IFNLR1: variants seen among roughly 807,000 people sequenced by gnomAD.
The protein encoded by IFNLR1 is CRF2-12.
A neutral mutation model predicts 52.5 loss-of-function variants in IFNLR1; 28 were observed. The observed-to-expected ratio is 0.53, with a 90% CI of 0.40 to 0.73. The LOEUF (loss-of-function observed/expected upper bound fraction) is 0.73. Ranked by LOEUF, IFNLR1 falls within the 30% of genes least tolerant of loss-of-function variation. The probability of loss-of-function intolerance (pLI) is 0.00; values close to 1 mark genes in which losing one functional copy is unlikely to be tolerated. For synonymous variants in IFNLR1, 276 were observed against 274.9 expected (o/e 1.00, Z -0.04); for missense variants, 623 against 659.1 (o/e 0.95, Z 0.60).
chr1:24,172,924 CTCT>C (rs1310256523), intron 2 of IFNLR1, among the ~76,000 whole-genome samples: 1 of 152,082 alleles, frequency 6.6e-6, no homozygotes, highest in Non-Finnish European at 1.5e-5. Context: ...TGGTGTCTTC[CTCT>C]TCTTATAAAG....
intron 1 of IFNLR1, among the ~76,000 whole-genome samples, chr1:24,183,320 G>A (rs766796727): frequency 9.9e-5 from 15 of 151,826 alleles, no homozygotes; most frequent in African/African-American, 3.4e-4. Flanking sequence ...AATACAGGTC[G>A]GGCATGGCAG....
intron 1 of IFNLR1, among the ~76,000 whole-genome samples, chr1:24,183,969 A>G (rs1280175539): frequency 2.0e-5 from 3 of 152,142 alleles, no homozygotes; most frequent in African/African-American, 7.2e-5. Flanking sequence ...ACCTCAGGTG[A>G]TCCGCCCACC....
Position 24,159,114 on chromosome 1 carries a change from C to T in IFNLR1, c.739G>A (p.Val247Met). 1.2e-6 allele frequency: 2 copies of T among 1,614,198 alleles called. No individual in the cohort carries two copies. Among genetic ancestry groups the T allele is most frequent in the South Asian group, 2.2e-5 (2 of 91,084 alleles). ...ILLLVIAAGG[V>M]IWKTLMGNPW... ...TTCCCCATGAGGGTCTTCCAGATCACACCCCCTGCGGCAATTACTAACAGC... is the reference window on the plus strand; with the variant it reads ...TTCCCCATGAGGGTCTTCCAGATCATACCCCCTGCGGCAATTACTAACAGC... Residue 247 changes from valine to methionine, a missense_variant, in exon 6 of 7, where the codon GTG (valine) becomes ATG (methionine). By Grantham distance (21) the Val-to-Met change is conservative (BLOSUM62 1). Coordinates refer to ENST00000327535, the MANE Select transcript of IFNLR1 (RefSeq NM_170743.4).
At position 24,159,383 on chromosome 1, in the gene IFNLR1, C is replaced by T. The variant is rs1644416033; in HGVS notation, c.670+91G>A. On this transcript the variant is annotated intron_variant, in intron 5 of 6. Transcript: ENST00000327535. The stretch of plus-strand genomic sequence containing the variant: ...GAGTGTGGTTTTAATCCAGGCGAGT[C>T]TATCTCTAGGCTCATGTTCTTAACC... 3.0e-6 allele frequency: 4 copies of T among 1,353,180 alleles called. No individual in the cohort carries two copies. In the Admixed American group the frequency reaches 7.3e-5, roughly 25 times the overall value. 83.8% of individuals were successfully genotyped at this position (1,353,180 alleles called of 1,614,324 possible).
intron 3 of IFNLR1, among the ~76,000 whole-genome samples, chr1:24,166,608 A>T (rs186153348): frequency 2.1e-4 from 32 of 152,244 alleles, no homozygotes; most frequent in Non-Finnish European, 3.5e-4. Context: ...ATTCAATGGA[A>T]CAATCATGGC....
At chr1:24,184,417 C>T (rs762432500) in intron 1 of IFNLR1, among the ~76,000 whole-genome samples, 4 of 152,148 alleles carry the variant, frequency 2.6e-5, no homozygotes, top group Non-Finnish European at 5.9e-5. Context: ...TTTCCTTGGC[C>T]TCAGAATAAA....
rs758373936 is a variant in IFNLR1 at position 24,157,562 on chromosome 1, G to A, written c.1131C>T (p.Ser377=). The A allele has an allele frequency of 2.0e-5, 33 of 1,611,902 alleles. No homozygotes were observed. Among genetic ancestry groups the A allele is most frequent in the South Asian group, 6.6e-5 (6 of 90,696 alleles). ...AAGAATCCCAAGCAGAGGAGCCTTCGCTTGGGACCAGAGGAGCCCTGGGCC... is the reference window on the plus strand; with the variant it reads ...AAGAATCCCAAGCAGAGGAGCCTTCACTTGGGACCAGAGGAGCCCTGGGCC... The part of the protein sequence containing the change: ...SGRPRAPLVP[S]EGSSAWDSSD... Residue 377 remains serine (S), a synonymous_variant, in exon 7 of 7, where the codon AGC becomes AGT. Coordinates refer to ENST00000327535, the MANE Select transcript of IFNLR1 (RefSeq NM_170743.4). This position sits in a 1 kb window ranked among gnomAD's most constrained non-coding sequence, Gnocchi z 5.1.
chr1:24,185,907 G>A (rs534405906), intron 1 of IFNLR1, among the ~76,000 whole-genome samples: 1 of 152,354 alleles, frequency 6.6e-6, no homozygotes, highest in Admixed American at 6.5e-5. Context: ...CTGCTTCCAT[G>A]GAAAGGGCGC....
intron 1 of IFNLR1, among the ~76,000 whole-genome samples, chr1:24,184,119 G>A (rs992454193): frequency 6.6e-6 from 1 of 151,970 alleles, no homozygotes; most frequent in African/African-American, 2.4e-5. Flanking sequence ...ATCCACACAG[G>A]ACTTTTTGCC....
intron 2 of IFNLR1, among the ~76,000 whole-genome samples, chr1:24,171,622 GA>G (rs1352762320): frequency 6.6e-6 from 1 of 151,432 alleles, no homozygotes; most frequent in East Asian, 1.9e-4. Context: ...GAGTCACTGG[GA>G]CCACAGGTAC....
rs116352676 is a variant in IFNLR1 at position 24,161,171 on chromosome 1, C to T, written c.510+371G>A. Among the ~76,000 whole-genome samples the T allele has an allele frequency of 6.0e-3, 913 of 152,270 alleles. 9 individuals are homozygous for T. The highest frequency in any genetic ancestry group is 9.0e-3 in the Non-Finnish European group (609 of 68,028). Reference sequence around the variant, plus strand: ...AACATATCGACTATCTGGCCTTCTTCGGGAAAGTCTGCCAGCCCTTGCCAT... The same window carrying T: ...AACATATCGACTATCTGGCCTTCTTTGGGAAAGTCTGCCAGCCCTTGCCAT... On this transcript the variant is annotated intron_variant, in intron 4 of 6. Transcript: ENST00000327535.
intron 3 of IFNLR1, among the ~76,000 whole-genome samples, chr1:24,162,876 T>TTCCTTCCTTCCTTCC (rs1644474630): frequency 3.1e-4 from 7 of 22,590 alleles, no homozygotes; most frequent in South Asian, 1.9e-3. Context: ...TCTTTCTTTC[T>TTCCTTCCTTCCTTCC]TTCCTTCCTT....
chr1:24,157,374 A>T lies in IFNLR1; in HGVS notation c.1319T>A (p.Leu440His), dbSNP rs1466876385. 2 of 1,613,882 alleles carry T rather than the reference A, an allele frequency of 1.2e-6. No individual in the cohort carries two copies. Among genetic ancestry groups the T allele is most frequent in the African/African-American group, 2.7e-5 (2 of 74,862 alleles). The change falls in exon 7 of 7, where the codon CTC becomes CAC. Residue 440 changes from leucine to histidine, a missense_variant. Coordinates refer to ENST00000327535, the MANE Select transcript of IFNLR1 (RefSeq NM_170743.4). The surrounding 1 kb of genome is among the most constrained non-coding windows in gnomAD (Gnocchi z 5.1). ...FSKDSGFLEE[L>H]PEDNLSSWAT... ...CCAGGAGGAGAGGTTATCTTCTGGGAGCTCTTCCAGGAAACCCGAGTCCTT... is the reference window on the plus strand; with the variant it reads ...CCAGGAGGAGAGGTTATCTTCTGGGTGCTCTTCCAGGAAACCCGAGTCCTT...
At chr1:24,173,628 C>T (rs1644603362) in intron 2 of IFNLR1, among the ~76,000 whole-genome samples, 1 of 147,846 alleles carries the variant, frequency 6.8e-6, no homozygotes, top group Admixed American at 6.7e-5. Context: ...CCCTCCCTCT[C>T]TTTCTTCTTT....
chr1:24,181,420 T>G (rs1256308346), intron 1 of IFNLR1, among the ~76,000 whole-genome samples: 1 of 152,168 alleles, frequency 6.6e-6, no homozygotes, highest in Non-Finnish European at 1.5e-5. Flanking sequence ...CCCGGCAAAC[T>G]GGGCTCCCCA....
At position 24,158,970 on chromosome 1, in the gene IFNLR1, A is replaced by G. The variant is rs1005969783; in HGVS notation, c.801+82T>C. 10 of 1,403,726 alleles carry G rather than the reference A, an allele frequency of 7.1e-6. No individual in the cohort carries two copies. The African/African-American group carries it at 1.3e-4, about 18-fold the overall frequency. The allele number at this position is 1,403,726 out of a possible 1,614,324, so 87.0% of individuals were successfully genotyped here. ...AGAGTCTGGACCATCTTGATATTCT[A>G]TCTGAACAACTCATAGCTCCAGCCC... On this transcript the variant is annotated intron_variant, in intron 6 of 6. Transcript: ENST00000327535.
chr1:24,156,831 T>A lies in IFNLR1; in HGVS notation c.*299A>T. 1 of 412,858 alleles carries A rather than the reference T, an allele frequency of 2.4e-6. No individual in the cohort carries two copies. Among genetic ancestry groups the A allele is most frequent in the Non-Finnish European group, 4.3e-6 (1 of 230,946 alleles). 25.6% of individuals were successfully genotyped at this position (412,858 alleles called of 1,614,324 possible). On this transcript the variant is annotated 3_prime_UTR_variant, in exon 7 of 7. Coordinates refer to ENST00000327535, the MANE Select transcript of IFNLR1 (RefSeq NM_170743.4). ...GTTTCATGTTGTCCGGGGATAATTT[T>A]TCCCCCTGGCCTGTCACCCTAGGGA...
chr1:24,159,708 T>C, intron 4 of IFNLR1, 75 bp from the exon 5 acceptor site: 2 of 1,335,802 alleles, frequency 1.5e-6, no homozygotes, highest in Non-Finnish European at 2.1e-6. Flanking sequence ...AGAGTGGGGT[T>C]GGCAGACATG....
Position 24,155,699 on chromosome 1 carries a change from C to A in IFNLR1, c.*1431G>T, listed in dbSNP as rs1644371790. On this transcript the variant is annotated 3_prime_UTR_variant, in exon 7 of 7. Transcript: ENST00000327535. ...CTGTACCCTTGTGGTGGCTTTAAAG[C>A]AACACAGCTCTGTGGGTTCAATGGC... The A allele has an allele frequency of 6.6e-6, 1 of 152,344 alleles. No homozygotes were observed. Among genetic ancestry groups the A allele is most frequent in the African/African-American group, 2.4e-5 (1 of 41,584 alleles). The allele number at this position is 152,344 out of a possible 1,614,324, so 9.4% of individuals were successfully genotyped here.
Sources: allele counts gnomAD v4.1 joint callset (sites outside exome capture counted in the v4.1 genomes callset), GRCh38; gene constraint gnomAD v4.1.1; non-coding constraint Gnocchi (gnomAD v3.1); transcripts MANE v1.5; gene names NCBI Gene and HGNC (gene_info 2026-07-23, HGNC 2026-07-21).